WASHC2A: variants seen among roughly 807,000 people sequenced by gnomAD.
The protein encoded by WASHC2A is WASH complex subunit FAM21A.
WASHC2A carries 82 observed loss-of-function variants against 140.3 expected under a neutral mutation model. That is an observed-to-expected ratio of 0.58 (90% CI 0.49 to 0.70). WASHC2A has a LOEUF of 0.70. Ranked by LOEUF, WASHC2A falls within the 30% of genes least tolerant of loss-of-function variation. The pLI, the probability that WASHC2A is intolerant of heterozygous loss-of-function variation, is 0.00. For synonymous variants in WASHC2A, 340 were observed against 560.8 expected (o/e 0.61, Z 5.56); for missense variants, 985 against 1,521.8 (o/e 0.65, Z 5.87).
At chr10:50,110,002 T>C (rs1203434676) in intron 19 of WASHC2A, 99 bp from the exon 20 acceptor site, 113 of 1,181,812 alleles carry the variant, frequency 9.6e-5, no homozygotes, top group Non-Finnish European at 1.2e-4. Context: ...GATCTGCTGA[T>C]CTCGTGATTC....
chr10:50,071,955 C>G (rs1188289144), intron 3 of WASHC2A, among the ~76,000 whole-genome samples: 19 of 141,792 alleles, frequency 1.3e-4, no homozygotes, highest in Non-Finnish European at 2.6e-4. Context: ...GTCATCCAGG[C>G]TGGAGTGCAG....
intron 3 of WASHC2A, among the ~76,000 whole-genome samples, chr10:50,071,996 C>T (rs1291344819): frequency 1.5e-5 from 2 of 136,042 alleles, no homozygotes; most frequent in Admixed American, 1.5e-4. Context: ...GCAACATCCG[C>T]CTCCCGTGTT....
chr10:50,097,350 C>G (rs1371083287), intron 15 of WASHC2A, among the ~76,000 whole-genome samples: 1 of 151,486 alleles, frequency 6.6e-6, no homozygotes, highest in South Asian at 2.1e-4. Flanking sequence ...CTTGGTGGCC[C>G]TCTTAAATGA....
intron 17 of WASHC2A, among the ~76,000 whole-genome samples, chr10:50,101,956 A>G (rs1554886971): frequency 6.6e-6 from 1 of 152,220 alleles, no homozygotes; most frequent in African/African-American, 2.4e-5. Flanking sequence ...GAGAGTCCTC[A>G]GAGAGAGCCC....
Position 50,117,920 on chromosome 10 carries a change from C to A in WASHC2A, c.2157C>A (p.Val719=). The A allele has an allele frequency of 6.6e-7, 1 of 1,523,320 alleles. No individual in the cohort carries two copies. The highest frequency in any genetic ancestry group is 9.0e-7 in the Non-Finnish European group (1 of 1,113,308). The allele number at this position is 1,523,320 out of a possible 1,614,324, so 94.4% of individuals were successfully genotyped here. The part of the protein sequence containing the change: ...VPPATKKKET[V]SEAPPLLFSD... Reference sequence around the variant, plus strand: ...TCTTTTGGTAGAAAAAAGAGACTGTCTCTGAGGCACCACCTTTGCTGTTCA... The same window carrying A: ...TCTTTTGGTAGAAAAAAGAGACTGTATCTGAGGCACCACCTTTGCTGTTCA... The change falls in exon 22 of 31, where the codon GTC becomes GTA. Residue 719 remains valine (V), a synonymous_variant. Transcript: ENST00000282633.
Position 50,091,485 on chromosome 10 carries a change from G to A in WASHC2A, c.898G>A (p.Asp300Asn), listed in dbSNP as rs1329833413. The change falls in exon 10 of 31, where the codon GAT (aspartate) becomes AAT (asparagine). Residue 300 changes from aspartate (D) to asparagine (N), a missense_variant. Coordinates refer to ENST00000282633, the MANE Select transcript of WASHC2A (RefSeq NM_001005751.3). ...ADELAARIKG[D>N]AVGRVDEEPT... Reference sequence around the variant, plus strand: ...TGAGCTGGCTGCCCGCATCAAGGGGGATGCCGTGGGTCGAGTGGACGAGGA... The same window carrying A: ...TGAGCTGGCTGCCCGCATCAAGGGGAATGCCGTGGGTCGAGTGGACGAGGA... 2.3e-5 allele frequency: 36 copies of A among 1,550,506 alleles called. No individual in the cohort carries two copies. The highest frequency in any genetic ancestry group is 3.1e-5 in the Non-Finnish European group (36 of 1,147,202).
chr10:50,069,985 T>G (rs71508039), intron 3 of WASHC2A, among the ~76,000 whole-genome samples: 1 of 152,220 alleles, frequency 6.6e-6, no homozygotes, highest in African/African-American at 2.4e-5. Flanking sequence ...GTGCTGAATT[T>G]TGTGGCACTC....
At chr10:50,079,396 T>TA (rs1199688204) in intron 4 of WASHC2A, among the ~76,000 whole-genome samples, 2 of 152,180 alleles carry the variant, frequency 1.3e-5, no homozygotes, top group African/African-American at 4.8e-5. Flanking sequence ...ATTTTTTATT[T>TA]AAAAAAATTT....
At chr10:50,078,785 GT>G (rs1838617410) in intron 4 of WASHC2A, 48 bp downstream of exon 4, 2 of 1,611,906 alleles carry the variant, frequency 1.2e-6, no homozygotes, top group African/African-American at 2.7e-5. Flanking sequence ...TTTGAAAAAT[GT>G]GGTGGAGATC....
chr10:50,072,481 CTTTTTTT>C (rs11440968), intron 3 of WASHC2A, among the ~76,000 whole-genome samples: 14 of 90,602 alleles, frequency 1.5e-4, no homozygotes, highest in African/African-American at 1.8e-4. Context: ...AGTGATCTGG[CTTTTTTT>C]TTTTTTTTTT....
chr10:50,103,995 A>T, intron 17 of WASHC2A, 47 bp from the exon 18 acceptor site: 2 of 1,493,942 alleles, frequency 1.3e-6, no homozygotes, highest in Non-Finnish European at 1.9e-6. Context: ...TGATATTTTA[A>T]AAACTGATAT....
chr10:50,071,471 A>G (rs1837806215), intron 3 of WASHC2A, among the ~76,000 whole-genome samples: 1 of 151,806 alleles, frequency 6.6e-6, no homozygotes, highest in South Asian at 2.1e-4. Context: ...ACGCCTGGCT[A>G]ATTTTTTGTA....
At chr10:50,090,515 A>AAAAAAAAAATATATATATATATAT (rs1214596899) in intron 8 of WASHC2A, among the ~76,000 whole-genome samples, 3 of 108,766 alleles carry the variant, frequency 2.8e-5, no homozygotes, top group Admixed American at 1.2e-4. Context: ...AAAAAAAAAA[A>AAAAAAAAAATATATATATATATAT]ATATATATAT....
intron 29 of WASHC2A, among the ~76,000 whole-genome samples, chr10:50,130,560 T>TA (rs1843864774): frequency 6.6e-6 from 1 of 152,074 alleles, no homozygotes; most frequent in Non-Finnish European, 1.5e-5. Context: ...GGGAAGATAA[T>TA]CAAATACAAA....
chr10:50,106,466 G>T lies in WASHC2A; in HGVS notation c.1869+1G>T. 6.2e-7 allele frequency: 1 copy of T among 1,601,284 alleles called. No individual in the cohort carries two copies. The highest frequency in any genetic ancestry group is 8.5e-7 in the Non-Finnish European group (1 of 1,174,730). On this transcript the variant is annotated splice_donor_variant, in intron 19 of 30. Coordinates refer to ENST00000282633, the MANE Select transcript of WASHC2A (RefSeq NM_001005751.3). LOFTEE classifies it high-confidence loss of function. Reference sequence around the variant, plus strand: ...CCTGTTGTTCAGCAGTGATGAGGAGGTGAGCTGAGGTTTCTGCTAAAGAAG... The same window carrying T: ...CCTGTTGTTCAGCAGTGATGAGGAGTTGAGCTGAGGTTTCTGCTAAAGAAG...
In WASHC2A at chr10:50,097,283, T is replaced by G. The variant is rs556162956; in HGVS notation, c.1421-392T>G. 5.4e-4 allele frequency among the ~76,000 whole-genome samples: 82 copies of G among 151,662 alleles called. No individual in the cohort carries two copies. In the South Asian group the frequency reaches 8.8e-3, roughly 16 times the overall value. On this transcript the variant is annotated intron_variant, in intron 15 of 30. Transcript: ENST00000282633. ...TGCTTTTATCTGCTTTTGTACAGTTTGATTTTTTTTAAAACAGGAGCCAAG... is the reference window on the plus strand; with the variant it reads ...TGCTTTTATCTGCTTTTGTACAGTTGGATTTTTTTTAAAACAGGAGCCAAG...
intron 20 of WASHC2A, chr10:50,112,042 T>C (rs1422599390): frequency 2.0e-6 from 2 of 985,052 alleles, no homozygotes; most frequent in Non-Finnish European, 2.4e-6. Context: ...AAAAAGGCCT[T>C]TCCTAACTTT....
At chr10:50,106,304 G>T (rs1250578559) in intron 18 of WASHC2A, 30 bp from the exon 19 acceptor site, 12 of 1,608,092 alleles carry the variant, frequency 7.5e-6, no homozygotes, top group Middle Eastern at 4.5e-4. Flanking sequence ...TTATAAAGTT[G>T]TCTTACCTTT....
chr10:50,119,971 G>A (rs1164152189), intron 23 of WASHC2A, among the ~76,000 whole-genome samples: 1 of 137,186 alleles, frequency 7.3e-6, no homozygotes, highest in Non-Finnish European at 1.5e-5. Context: ...TAGGGGATTA[G>A]AATTTCACCC....
Sources: allele counts gnomAD v4.1 joint callset (sites outside exome capture counted in the v4.1 genomes callset), GRCh38; gene constraint gnomAD v4.1.1; transcripts MANE v1.5; gene names NCBI Gene and HGNC (gene_info 2026-07-23, HGNC 2026-07-21).